The following SEPTIN14 variants were observed in gnomAD, a reference collection of about 807,000 sequenced individuals.
SEPTIN14 encodes septin-14.
Under a neutral mutation model 53.6 loss-of-function variants are expected in SEPTIN14, and 40 were observed. That is an observed-to-expected ratio of 0.75 (90% CI 0.58 to 0.97). The LOEUF (loss-of-function observed/expected upper bound fraction) is 0.97. Among genes scored for constraint, SEPTIN14 ranks in the 50% least tolerant of loss-of-function variants. The pLI is 0.00. For synonymous variants in SEPTIN14, 138 were observed against 166.8 expected (o/e 0.83, Z 1.33); for missense variants, 471 against 508.2 (o/e 0.93, Z 0.70).
intron 2 of SEPTIN14, among the ~76,000 whole-genome samples, chr7:55,860,382 G>A (rs1208281450): frequency 6.6e-6 from 1 of 152,134 alleles, no homozygotes; most frequent in Non-Finnish European, 1.5e-5. Flanking sequence ...TGGGAAGGGT[G>A]TGTGAGTAGT....
At chr7:55,851,502 T>C (rs1277486624) in intron 2 of SEPTIN14, among the ~76,000 whole-genome samples, 2 of 152,094 alleles carry the variant, frequency 1.3e-5, no homozygotes, top group Non-Finnish European at 2.9e-5. Context: ...GCATTTATTC[T>C]AGAAATGCAA....
At chr7:55,810,854 G>C in intron 7 of SEPTIN14, 1 of 308,612 alleles carries the variant, frequency 3.2e-6, no homozygotes. Flanking sequence ...AGTCAAACCT[G>C]GGTGTCAGGC....
intron 3 of SEPTIN14, 147 bp downstream of exon 3, chr7:55,846,370 G>T: frequency 1.7e-6 from 1 of 598,852 alleles, no homozygotes; most frequent in Non-Finnish European, 2.7e-6. Context: ...AAAATAAAAG[G>T]ATTACATAAT....
At chr7:55,818,472 C>CAAA (rs61089405) in intron 7 of SEPTIN14, among the ~76,000 whole-genome samples, 1,391 of 85,646 alleles carry the variant, frequency 0.016, 48 homozygotes, top group African/African-American at 0.05. Context: ...AACTCTGTCT[C>CAAA]AAAAAAAAAA....
At chr7:55,857,415 A>AG (rs372799654) in intron 2 of SEPTIN14, among the ~76,000 whole-genome samples, 1 of 139,318 alleles carries the variant, frequency 7.2e-6, no homozygotes, top group African/African-American at 2.7e-5. Context: ...AGAGAAGAGA[A>AG]AGAAGAGAGA....
chr7:55,813,558 T>C (rs1476706615), intron 7 of SEPTIN14, among the ~76,000 whole-genome samples: 2 of 152,132 alleles, frequency 1.3e-5, no homozygotes, highest in African/African-American at 4.8e-5. Flanking sequence ...TCCTTCCACT[T>C]GTGGGAAAGA....
intron 6 of SEPTIN14, among the ~76,000 whole-genome samples, chr7:55,830,349 A>ATTTTTTT (rs1216458496): frequency 2.9e-3 from 164 of 56,820 alleles, no homozygotes; most frequent in East Asian, 7.9e-3. Flanking sequence ...ATATATATAT[A>ATTTTTTT]TTTTTTTTTT....
chr7:55,829,187 TG>T (rs1285763354), intron 6 of SEPTIN14, among the ~76,000 whole-genome samples: 1 of 151,682 alleles, frequency 6.6e-6, no homozygotes, highest in Non-Finnish European at 1.5e-5. Context: ...CAGATCAGCC[TG>T]GGCAAGATGG....
chr7:55,820,745 G>A (rs1276283467), intron 6 of SEPTIN14, among the ~76,000 whole-genome samples: 2 of 152,086 alleles, frequency 1.3e-5, no homozygotes, highest in African/African-American at 4.8e-5. Context: ...TTCGAGACCA[G>A]CCTTGCCAAC....
chr7:55,817,749 C>T (rs1425491140), intron 7 of SEPTIN14, among the ~76,000 whole-genome samples: 4 of 152,006 alleles, frequency 2.6e-5, no homozygotes, highest in East Asian at 3.9e-4. Flanking sequence ...GGATTACAGG[C>T]GTGAGCCACT....
intron 5 of SEPTIN14, among the ~76,000 whole-genome samples, chr7:55,839,513 A>G (rs908605897): frequency 6.6e-6 from 1 of 152,052 alleles, no homozygotes; most frequent in Non-Finnish European, 1.5e-5. Context: ...TTCGGTCTGC[A>G]TCTAAGAAAC....
intron 7 of SEPTIN14, among the ~76,000 whole-genome samples, chr7:55,818,902 T>G (rs1191547550): frequency 6.6e-6 from 1 of 152,164 alleles, no homozygotes; most frequent in African/African-American, 2.4e-5. Flanking sequence ...CTCTGTAGAT[T>G]TTGGCTTAAA....
intron 9 of SEPTIN14, among the ~76,000 whole-genome samples, chr7:55,797,567 CAGAA>C (rs1419957265): frequency 2.6e-5 from 4 of 152,190 alleles, no homozygotes; most frequent in African/African-American, 9.7e-5. Flanking sequence ...AGCTAACCTT[CAGAA>C]AGAAAGAAGA....
rs975438140 is a variant in SEPTIN14, at chr7:55,795,603, G to T, written c.*310C>A. On this transcript the variant is annotated 3_prime_UTR_variant, in exon 10 of 10. Coordinates refer to ENST00000388975, the MANE Select transcript of SEPTIN14 (RefSeq NM_207366.3). ...CTGCCTCAGCCTCCCAAGTGGCTGG[G>T]ATTACAGGTACCGGCCACCAAACCC... The T allele has an allele frequency of 3.1e-6, 1 of 321,614 alleles. No individual in the cohort carries two copies. The highest frequency in any genetic ancestry group is 5.9e-6 in the Non-Finnish European group (1 of 170,420). The allele number at this position is 321,614 out of a possible 1,614,324, so 19.9% of individuals were successfully genotyped here.
At position 55,861,936 on chromosome 7, in the gene SEPTIN14, ACTTAACTGTATCT is replaced by A. The variant is rs1789756457; in HGVS notation, c.48_54+6del. The stretch of plus-strand genomic sequence containing the variant: ...ATGCAGAGTTATATTTGAAAGATAT[ACTTAACTGTATCT>A]CCATCAGCAGGTATTTGTGTGGGCA... On this transcript the variant is annotated splice_donor_variant and splice_donor_5th_base_variant and coding_sequence_variant and intron_variant, in exon 2 of 10. Transcript: ENST00000388975. LOFTEE classifies it high-confidence loss of function. 1.3e-6 allele frequency: 2 copies of A among 1,546,232 alleles called. No individual in the cohort carries two copies. The highest frequency in any genetic ancestry group is 4.6e-5 in the East Asian group (2 of 43,722).
chr7:55,819,744 GC>G (rs34147635), intron 6 of SEPTIN14, among the ~76,000 whole-genome samples: 93,316 of 151,982 alleles, frequency 0.61, 30,445 homozygotes, highest in East Asian at 0.85. Flanking sequence ...TGTCTACTGA[GC>G]CAGAGCCTAA....
At chr7:55,822,235 T>C (rs1383033883) in intron 6 of SEPTIN14, among the ~76,000 whole-genome samples, 1 of 152,022 alleles carries the variant, frequency 6.6e-6, no homozygotes, top group Non-Finnish European at 1.5e-5. Context: ...AAGATAAAAC[T>C]CTATTGAAAA....
intron 7 of SEPTIN14, among the ~76,000 whole-genome samples, chr7:55,807,480 T>G (rs958579750): frequency 6.6e-6 from 1 of 152,208 alleles, no homozygotes; most frequent in African/African-American, 2.4e-5. Context: ...TGCTTTAAAC[T>G]TATTACCTGA....
intron 2 of SEPTIN14, among the ~76,000 whole-genome samples, chr7:55,856,516 C>T (rs756475387): frequency 1.1e-4 from 16 of 151,868 alleles, no homozygotes; most frequent in South Asian, 8.3e-4. Context: ...CTCAGCCTCC[C>T]GAATAGCTGA....
Sources: allele counts gnomAD v4.1 joint callset (sites outside exome capture counted in the v4.1 genomes callset), GRCh38; gene constraint gnomAD v4.1.1; transcripts MANE v1.5; gene names NCBI Gene and HGNC (gene_info 2026-07-23, HGNC 2026-07-21).